TSHZ2: variants seen among roughly 807,000 people sequenced by gnomAD.
TSHZ2 encodes the protein teashirt homolog 2.
Under a neutral mutation model 74.4 loss-of-function variants are expected in TSHZ2, and 21 were observed. The observed-to-expected ratio is 0.28, with a 90% confidence interval of 0.20 to 0.41. The LOEUF (loss-of-function observed/expected upper bound fraction) is 0.41. TSHZ2 is among the 10% of genes least tolerant of loss of function. The pLI, the probability that TSHZ2 is intolerant of heterozygous loss-of-function variation, is 1.00. For synonymous variants in TSHZ2, 540 were observed against 515.3 expected, an observed-to-expected ratio of 1.05 and a Z score of -0.65; for missense variants, 1,244 against 1,293.5, an observed-to-expected ratio of 0.96 and a Z score of 0.59.
Position 53,261,048 on chromosome 20 carries a change from A to G in TSHZ2, c.*8+4477A>G, listed in dbSNP as rs1479784447. Among the ~76,000 whole-genome samples the G allele has an allele frequency of 2.6e-5, 4 of 152,316 alleles. No individual in the cohort carries two copies. In the East Asian group the frequency reaches 7.7e-4, roughly 29 times the overall value. ...CAAAGAGTTTCATGATTTGTCCAAG[A>G]AGACAAAACTAAACCTGGAGGTAGG... On this transcript the variant is annotated intron_variant, in intron 2 of 2. Coordinates refer to ENST00000371497, the MANE Select transcript of TSHZ2 (RefSeq NM_173485.6).
chr20:53,276,244 A>ATT lies in TSHZ2; in HGVS notation c.*8+19685_*8+19686dup, dbSNP rs5841938. ...ATTTAGCTCCAGGCCTGGCTCTTTC[A>ATT]TTTTTTTTTTTTTGGAACCACTTTT... On this transcript the variant is annotated intron_variant, in intron 2 of 2. Coordinates refer to ENST00000371497, the MANE Select transcript of TSHZ2 (RefSeq NM_173485.6). 8.9e-3 allele frequency among the ~76,000 whole-genome samples: 1,295 copies of ATT among 145,168 alleles called. 9 individuals carry two copies. Among genetic ancestry groups the ATT allele is most frequent in the African/African-American group, 0.015 (592 of 40,158 alleles).
At chr20:53,058,259 C>T (rs7271874) in intron 1 of TSHZ2, among the ~76,000 whole-genome samples, 4,098 of 152,238 alleles carry the variant, frequency 0.027, 171 homozygotes, top group African/African-American at 0.089. Context: ...GGGTCTGTAG[C>T]CCCAGAGTTG....
chr20:53,463,564 T>C lies in TSHZ2; in HGVS notation c.*9-23580T>C, dbSNP rs191534397. ...TTCTACCATGTCTCTGAAAGAAGGA[T>C]TAACTGATTAAATGGTAGAAATAAG... On this transcript the variant is annotated intron_variant, in intron 2 of 2. Coordinates refer to ENST00000371497, the MANE Select transcript of TSHZ2 (RefSeq NM_173485.6). Among the ~76,000 whole-genome samples, 257 of 152,262 alleles carry C rather than the reference T, an allele frequency of 1.7e-3. 1 individual carries two copies. Among genetic ancestry groups the C allele is most frequent in the African/African-American group, 5.9e-3 (247 of 41,540 alleles).
At chr20:53,087,567 G>A (rs1174526458) in intron 1 of TSHZ2, among the ~76,000 whole-genome samples, 2 of 152,164 alleles carry the variant, frequency 1.3e-5, no homozygotes, top group African/African-American at 2.4e-5. Context: ...GGTGCACAGC[G>A]TTACTCATAA....
chr20:52,979,622 A>C (rs991816989), intron 1 of TSHZ2, among the ~76,000 whole-genome samples: 7 of 152,208 alleles, frequency 4.6e-5, no homozygotes, highest in African/African-American at 1.7e-4. Flanking sequence ...AATAATTTGG[A>C]GGCATTTGAA....
chr20:53,033,341 G>A (rs1338673790), intron 1 of TSHZ2, among the ~76,000 whole-genome samples: 3 of 152,110 alleles, frequency 2.0e-5, no homozygotes, highest in Non-Finnish European at 2.9e-5. Flanking sequence ...CATATTTATC[G>A]AGTTTTTCCT....
At chr20:53,145,238 A>G (rs1227775917) in intron 1 of TSHZ2, among the ~76,000 whole-genome samples, 2 of 152,200 alleles carry the variant, frequency 1.3e-5, no homozygotes, top group African/African-American at 2.4e-5. Flanking sequence ...GTGGGTGGTG[A>G]GGAACATCAC....
chr20:53,396,917 C>T (rs1381069112), intron 2 of TSHZ2, among the ~76,000 whole-genome samples: 1 of 149,936 alleles, frequency 6.7e-6, no homozygotes, highest in African/African-American at 2.5e-5. Context: ...ATTACCAAGG[C>T]AAACATGTAG....
At chr20:53,416,827 C>T (rs544027690) in intron 2 of TSHZ2, among the ~76,000 whole-genome samples, 20 of 152,218 alleles carry the variant, frequency 1.3e-4, no homozygotes, top group African/African-American at 4.8e-4. Context: ...TGGCACACCC[C>T]TTGGATTGCA....
intron 2 of TSHZ2, among the ~76,000 whole-genome samples, chr20:53,378,351 AAT>A (rs1981736629): frequency 7.4e-6 from 1 of 135,258 alleles, no homozygotes; most frequent in Admixed American, 7.1e-5. Flanking sequence ...AAATAATAAT[AAT>A]AATAATAATA....
intron 1 of TSHZ2, among the ~76,000 whole-genome samples, chr20:53,192,250 T>G (rs1988752492): frequency 6.7e-6 from 1 of 150,074 alleles, no homozygotes; most frequent in African/African-American, 2.5e-5. Context: ...AGCAACATAA[T>G]GGACAATTTT....
chr20:53,439,752 C>T (rs1217432702), intron 2 of TSHZ2, among the ~76,000 whole-genome samples: 1 of 152,084 alleles, frequency 6.6e-6, no homozygotes, highest in Non-Finnish European at 1.5e-5. Flanking sequence ...TGGGTGTTTC[C>T]ACCCCCCTTG....
At chr20:53,268,369 T>C (rs1025752748) in intron 2 of TSHZ2, among the ~76,000 whole-genome samples, 42 of 152,154 alleles carry the variant, frequency 2.8e-4, no homozygotes, top group African/African-American at 1.0e-3. Context: ...TGTTCTGAAC[T>C]TTGGGACCTG....
intron 2 of TSHZ2, among the ~76,000 whole-genome samples, chr20:53,341,611 C>A (rs569834016): frequency 6.6e-6 from 1 of 152,050 alleles, no homozygotes; most frequent in African/African-American, 2.4e-5. Context: ...AGGCTTAAAC[C>A]GCCATACCCG....
intron 2 of TSHZ2, among the ~76,000 whole-genome samples, chr20:53,344,916 T>TA (rs1457057429): frequency 1.3e-5 from 2 of 152,208 alleles, no homozygotes; most frequent in Non-Finnish European, 1.5e-5. Context: ...AAAGATTGTG[T>TA]AAAAAAATAA....
intron 1 of TSHZ2, among the ~76,000 whole-genome samples, chr20:53,243,376 G>C (rs1198223488): frequency 2.0e-5 from 3 of 152,176 alleles, no homozygotes; most frequent in Admixed American, 1.3e-4. Context: ...TATATGCTGA[G>C]CAGTACCTGA....
intron 1 of TSHZ2, among the ~76,000 whole-genome samples, chr20:53,043,830 C>A (rs1037142217): frequency 1.3e-5 from 2 of 151,826 alleles, no homozygotes; most frequent in African/African-American, 2.4e-5. Flanking sequence ...TCATGGACAG[C>A]CAATGCCAGC....
chr20:53,416,711 A>G (rs2145708106), intron 2 of TSHZ2, among the ~76,000 whole-genome samples: 1 of 152,366 alleles, frequency 6.6e-6, no homozygotes, highest in Middle Eastern at 3.4e-3. Flanking sequence ...CATGCTGAGA[A>G]CATAGTAGAT....
chr20:53,253,409 C>T (rs953777297), intron 1 of TSHZ2, 90 bp from the exon 2 acceptor site: 19 of 1,499,182 alleles, frequency 1.3e-5, no homozygotes, highest in East Asian at 4.6e-5. Flanking sequence ...CCGTTCAGTT[C>T]GGCATGGGAA....
Sources: gnomAD v4.1 joint callset for allele counts (sites outside exome capture counted in the v4.1 genomes callset) on GRCh38, gnomAD v4.1.1 for gene constraint, MANE v1.5 for transcripts, NCBI Gene and HGNC (gene_info 2026-07-23, HGNC 2026-07-21) for gene names.